Variants in OR3A2 observed in about 807,000 individuals in gnomAD.
The protein encoded by OR3A2 is olfactory receptor 3A2.
For missense variants in OR3A2, 318 were observed against 392.8 expected, an observed-to-expected ratio of 0.81 and a Z score of 1.61; for synonymous variants, 126 against 159.3, an observed-to-expected ratio of 0.79 and a Z score of 1.57.
At chr17:3,281,258 G>A (rs1016978195) in intron 1 of OR3A2, among the ~76,000 whole-genome samples, 99 of 139,922 alleles carry the variant, frequency 7.1e-4, no homozygotes, top group African/African-American at 2.6e-3. Flanking sequence ...TTTTTGAGAT[G>A]GAGTCTCCCT....
At chr17:3,317,077 A>G (rs2049086871) in intron 3 of OR3A2, among the ~76,000 whole-genome samples, 1 of 152,208 alleles carries the variant, frequency 6.6e-6, no homozygotes, top group African/African-American at 2.4e-5. Flanking sequence ...CGGACAGGCA[A>G]TAAGGTTGAG....
chr17:3,337,135 A>G (rs1377326218), intron 2 of OR3A2, among the ~76,000 whole-genome samples: 1 of 152,136 alleles, frequency 6.6e-6, no homozygotes, highest in Non-Finnish European at 1.5e-5. Context: ...TTTAACCTTC[A>G]TTTTTTATTT....
chr17:3,346,816 T>C (rs1010895371), intron 2 of OR3A2, among the ~76,000 whole-genome samples: 1 of 152,202 alleles, frequency 6.6e-6, no homozygotes, highest in Non-Finnish European at 1.5e-5. Context: ...GCCTGGCTTA[T>C]TCACTCAATA....
chr17:3,345,434 G>T (rs1015720533), intron 2 of OR3A2, among the ~76,000 whole-genome samples: 5 of 90,844 alleles, frequency 5.5e-5, no homozygotes, highest in African/African-American at 1.5e-4. Flanking sequence ...GAGAGAGAGA[G>T]AGAGATAGAG....
chr17:3,372,997 TTG>T, intron 2 of OR3A2, among the ~76,000 whole-genome samples: 1 of 152,178 alleles, frequency 6.6e-6, no homozygotes, highest in Admixed American at 6.5e-5. Flanking sequence ...CTTTCATAGG[TTG>T]TGTCACTCTT....
intron 2 of OR3A2, among the ~76,000 whole-genome samples, chr17:3,364,548 T>A (rs571925215): frequency 1.3e-5 from 2 of 152,270 alleles, no homozygotes; most frequent in Admixed American, 1.3e-4. Context: ...CTGTAGTGAG[T>A]TCACAATGAG....
chr17:3,317,585 AT>A (rs2049089175), intron 3 of OR3A2, among the ~76,000 whole-genome samples: 1 of 152,018 alleles, frequency 6.6e-6, no homozygotes, highest in Non-Finnish European at 1.5e-5. Context: ...AGGGTAGATC[AT>A]TTCCTCCCTG....
intron 2 of OR3A2, among the ~76,000 whole-genome samples, chr17:3,348,345 C>T (rs1318080474): frequency 1.3e-5 from 2 of 152,052 alleles, no homozygotes; most frequent in African/African-American, 4.8e-5. Context: ...AATGGTAATG[C>T]CTAGGTTTTC....
At chr17:3,337,294 C>CT (rs1443584187) in intron 2 of OR3A2, among the ~76,000 whole-genome samples, 3 of 152,228 alleles carry the variant, frequency 2.0e-5, no homozygotes, top group African/African-American at 7.2e-5. Context: ...TATTATTGTA[C>CT]TTTAAGTTCT....
At chr17:3,380,411 G>A (rs1281573498) in intron 2 of OR3A2, among the ~76,000 whole-genome samples, 1 of 152,138 alleles carries the variant, frequency 6.6e-6, no homozygotes, top group East Asian at 1.9e-4. Context: ...TTCTCCGGGT[G>A]CTGCTTTCCC....
intron 3 of OR3A2, among the ~76,000 whole-genome samples, chr17:3,292,994 T>C (rs2150622557): frequency 6.6e-6 from 1 of 152,054 alleles, no homozygotes; most frequent in South Asian, 2.1e-4. Flanking sequence ...AAAATAAACA[T>C]ACAGATTCTA....
At position 3,332,890 on chromosome 17, in the gene OR3A2, T is replaced by C. The variant is rs1441109915; in HGVS notation, c.-85+3143A>G. 3.3e-5 allele frequency among the ~76,000 whole-genome samples: 5 copies of C among 152,220 alleles called. No homozygotes were observed. In the East Asian group the frequency reaches 9.6e-4, roughly 29 times the overall value. Reference sequence around the variant, plus strand: ...AATGTACGTCACCTCAGGACCACTATTGTACAAACTGATTGTAAAACGTGT... The same window carrying C: ...AATGTACGTCACCTCAGGACCACTACTGTACAAACTGATTGTAAAACGTGT... On this transcript the variant is annotated intron_variant, in intron 3 of 4. Coordinates refer to the OR3A2 transcript ENST00000573491.
chr17:3,301,682 A>T (rs914129318), intron 3 of OR3A2, among the ~76,000 whole-genome samples: 2 of 152,084 alleles, frequency 1.3e-5, no homozygotes, highest in Non-Finnish European at 2.9e-5. Flanking sequence ...GCTGTGCAGA[A>T]GCTCTTGTTT....
At chr17:3,283,160 A>G (rs1373387566) in intron 1 of OR3A2, among the ~76,000 whole-genome samples, 1 of 152,142 alleles carries the variant, frequency 6.6e-6, no homozygotes, top group East Asian at 1.9e-4. Context: ...AGGACAGAAT[A>G]TGTTTGATTC....
chr17:3,322,263 T>C (rs1166509137), intron 3 of OR3A2, among the ~76,000 whole-genome samples: 2 of 152,160 alleles, frequency 1.3e-5, no homozygotes, highest in Admixed American at 1.3e-4. Flanking sequence ...TCTTCTCTCT[T>C]TTCTTCTTTA....
intron 2 of OR3A2, among the ~76,000 whole-genome samples, chr17:3,364,399 A>G (rs2049545689): frequency 6.6e-6 from 1 of 152,194 alleles, no homozygotes; most frequent in Non-Finnish European, 1.5e-5. Flanking sequence ...ACAATATGCT[A>G]TTATTAATTA....
At chr17:3,304,012 ATG>A (rs1163577697) in intron 3 of OR3A2, among the ~76,000 whole-genome samples, 19 of 134,190 alleles carry the variant, frequency 1.4e-4, no homozygotes, top group Non-Finnish European at 2.1e-4. Context: ...ATATATATAT[ATG>A]TACCAAAATA....
At chr17:3,279,752 T>C (rs2048765978) in intron 1 of OR3A2, among the ~76,000 whole-genome samples, 2 of 152,108 alleles carry the variant, frequency 1.3e-5, no homozygotes, top group Non-Finnish European at 2.9e-5. Flanking sequence ...TGCACCATTG[T>C]ACTCCAGCCT....
intron 2 of OR3A2, among the ~76,000 whole-genome samples, chr17:3,371,964 G>A (rs1276180979): frequency 2.5e-4 from 37 of 146,650 alleles, no homozygotes; most frequent in South Asian, 4.5e-4. Context: ...GCTGCCAGGC[G>A]GAGACGCTCC....
Sources: allele counts gnomAD v4.1 joint callset (sites outside exome capture counted in the v4.1 genomes callset), GRCh38; gene constraint gnomAD v4.1.1; transcripts MANE v1.5; gene names NCBI Gene and HGNC (gene_info 2026-07-23, HGNC 2026-07-21).